Variants in PTPRG observed in about 807,000 individuals in gnomAD.
PTPRG encodes receptor-type tyrosine-protein phosphatase gamma.
PTPRG carries 102 observed loss-of-function variants against 165.3 expected under a neutral mutation model. The ratio of observed to expected loss-of-function variants is 0.62; its 90% CI spans 0.53 to 0.73. PTPRG has a LOEUF of 0.73. Ranked by LOEUF, PTPRG falls within the 30% of genes least tolerant of loss-of-function variation. PTPRG has a pLI of 0.00. For missense variants in PTPRG, 1,866 were observed against 1,861.4 expected, an observed-to-expected ratio of 1.00 and a Z score of -0.05; for synonymous variants, 675 against 669.5, an observed-to-expected ratio of 1.01 and a Z score of -0.13.
intron 8 of PTPRG, among the ~76,000 whole-genome samples, chr3:62,184,691 C>T (rs1267813249): frequency 6.6e-6 from 1 of 152,166 alleles, no homozygotes; most frequent in Non-Finnish European, 1.5e-5. Flanking sequence ...TGGCTTAAGC[C>T]AAGCTGTTCC....
At position 62,191,525 on chromosome 3, in the gene PTPRG, C is replaced by A. The variant is rs1283328961; in HGVS notation, c.1090C>A (p.Gln364Lys). ...KVQPLNQTALQVSWSQPETIY... is the reference protein window; with the variant it reads ...KVQPLNQTALKVSWSQPETIY... ...GCAGCCTCTGAACCAGACGGCACTG[C>A]AGGTGTCCTGGAGCCAGCCGGAGAC... Residue 364 changes from glutamine (Q) to lysine (K), a missense_variant, in exon 9 of 30, where the codon CAG becomes AAG. By Grantham distance (53) the Gln-to-Lys change is moderately conservative. Coordinates refer to ENST00000474889, the MANE Select transcript of PTPRG (RefSeq NM_002841.4). 8.7e-6 allele frequency: 14 copies of A among 1,614,018 alleles called. No individual in the cohort carries two copies. The highest frequency in any genetic ancestry group is 1.2e-5 in the Non-Finnish European group (14 of 1,180,018).
chr3:61,828,126 T>C (rs909191783), intron 2 of PTPRG, among the ~76,000 whole-genome samples: 3 of 152,206 alleles, frequency 2.0e-5, no homozygotes, highest in East Asian at 3.8e-4. Context: ...GATTTTAGTC[T>C]TCTACATGCC....
intron 1 of PTPRG, among the ~76,000 whole-genome samples, chr3:61,682,149 CAAAAA>C (rs35398190): frequency 2.1e-5 from 2 of 96,784 alleles, no homozygotes; most frequent in Non-Finnish European, 3.8e-5. Flanking sequence ...ACTCCTGTCT[CAAAAA>C]AAAAAAAAAA....
intron 1 of PTPRG, among the ~76,000 whole-genome samples, chr3:61,620,496 A>T (rs1010654599): frequency 1.3e-5 from 2 of 152,152 alleles, no homozygotes; most frequent in Non-Finnish European, 2.9e-5. Context: ...ATCCGCCAGG[A>T]ATCAAATACC....
At chr3:61,895,274 G>T (rs537484093) in intron 2 of PTPRG, among the ~76,000 whole-genome samples, 52 of 152,312 alleles carry the variant, frequency 3.4e-4, no homozygotes, top group Non-Finnish European at 1.6e-4. Flanking sequence ...TTGATGCAGG[G>T]TGTTTCTTGG....
chr3:62,048,457 A>G (rs1015923097), intron 4 of PTPRG, among the ~76,000 whole-genome samples: 1 of 152,238 alleles, frequency 6.6e-6, no homozygotes, highest in Non-Finnish European at 1.5e-5. Flanking sequence ...AAATGGATAG[A>G]AAGTAAATCC....
At chr3:62,076,430 T>C (rs1323113197) in intron 4 of PTPRG, among the ~76,000 whole-genome samples, 1 of 152,196 alleles carries the variant, frequency 6.6e-6, no homozygotes, top group Non-Finnish European at 1.5e-5. Flanking sequence ...ATACTTGACT[T>C]TATGCCTAAG....
chr3:62,084,808 C>G (rs1458043103), intron 5 of PTPRG, among the ~76,000 whole-genome samples: 1 of 152,148 alleles, frequency 6.6e-6, no homozygotes, highest in Non-Finnish European at 1.5e-5. Flanking sequence ...TGTTATTTTA[C>G]TTGCTTTCTT....
chr3:61,905,916 C>T (rs2038636650), intron 2 of PTPRG, among the ~76,000 whole-genome samples: 1 of 152,146 alleles, frequency 6.6e-6, no homozygotes, highest in Non-Finnish European at 1.5e-5. Flanking sequence ...ATTATGTCTC[C>T]AGGATTAAGA....
At chr3:61,923,561 C>G (rs1397165933) in intron 2 of PTPRG, among the ~76,000 whole-genome samples, 2 of 135,234 alleles carry the variant, frequency 1.5e-5, no homozygotes, top group Non-Finnish European at 3.2e-5. Flanking sequence ...TTCCCCTCCC[C>G]CCACCCCACA....
chr3:61,735,414 G>T (rs2032679583), intron 1 of PTPRG, among the ~76,000 whole-genome samples: 1 of 152,098 alleles, frequency 6.6e-6, no homozygotes, highest in Non-Finnish European at 1.5e-5. Flanking sequence ...TGGAAAGGAA[G>T]CAAATCTAAC....
intron 6 of PTPRG, among the ~76,000 whole-genome samples, chr3:62,153,655 G>C (rs1704427118): frequency 1.3e-5 from 2 of 152,214 alleles, no homozygotes. Context: ...ACAACAATGA[G>C]AGTAAGAATA....
chr3:62,145,503 T>C (rs111774337), intron 6 of PTPRG, among the ~76,000 whole-genome samples: 13 of 152,290 alleles, frequency 8.5e-5, no homozygotes, highest in African/African-American at 2.6e-4. Context: ...GTTGCTCAAC[T>C]TAATTCGTCC....
chr3:62,172,078 A>C (rs531116137), intron 8 of PTPRG, among the ~76,000 whole-genome samples: 1 of 152,348 alleles, frequency 6.6e-6, no homozygotes, highest in Admixed American at 6.5e-5. Flanking sequence ...TCAGAATTTA[A>C]TTATATTTTG....
chr3:62,275,817 G>T, intron 23 of PTPRG, 56 bp from the exon 24 acceptor site: 1 of 1,338,682 alleles, frequency 7.5e-7, no homozygotes. Flanking sequence ...AAAGCATCAA[G>T]CAAATGCTAT....
chr3:61,760,750 C>T (rs892224512), intron 2 of PTPRG, among the ~76,000 whole-genome samples: 1 of 152,198 alleles, frequency 6.6e-6, no homozygotes, highest in Non-Finnish European at 1.5e-5. Flanking sequence ...TCCTGATGCT[C>T]TCCCTCGCCC....
rs2106745414 is a variant in PTPRG, at chr3:61,562,127, C to G, written c.-161C>G. 4 of 553,818 alleles carry G rather than the reference C, an allele frequency of 7.2e-6. No homozygotes were observed. The highest frequency in any genetic ancestry group is 6.4e-5 in the East Asian group (2 of 31,422). 34.3% of individuals were successfully genotyped at this position (553,818 alleles called of 1,614,324 possible). ...AGATTTTCCGGGGGGCGCTCGGCGG[C>G]TTCCCGGATTCCAAGGGGACTCGGG... On this transcript the variant is annotated 5_prime_UTR_variant, in exon 1 of 30. Transcript: ENST00000474889.
intron 8 of PTPRG, among the ~76,000 whole-genome samples, chr3:62,191,233 T>A (rs1699808969): frequency 6.6e-6 from 1 of 151,316 alleles, no homozygotes; most frequent in Admixed American, 6.6e-5. Flanking sequence ...TGTGCATCTG[T>A]GTCCCTTGCA....
intron 5 of PTPRG, among the ~76,000 whole-genome samples, chr3:62,111,023 G>T (rs140784468): frequency 6.6e-6 from 1 of 152,192 alleles, no homozygotes; most frequent in African/African-American, 2.4e-5. Flanking sequence ...TGTGGGAAGT[G>T]ATTCTAGCTT....
Sources: gnomAD v4.1 joint callset for allele counts (sites outside exome capture counted in the v4.1 genomes callset) on GRCh38, gnomAD v4.1.1 for gene constraint, MANE v1.5 for transcripts, NCBI Gene and HGNC (gene_info 2026-07-23, HGNC 2026-07-21) for gene names.